RPA1: variants seen among roughly 807,000 people sequenced by gnomAD.
The protein encoded by RPA1 is replication protein A 70 kDa DNA-binding subunit.
A neutral mutation model predicts 83.0 loss-of-function variants in RPA1; 49 were observed. The observed-to-expected ratio is 0.59, with a 90% CI of 0.47 to 0.75. The LOEUF (loss-of-function observed/expected upper bound fraction) is 0.75. Among genes scored for constraint, RPA1 ranks in the 30% least tolerant of loss-of-function variants. RPA1 has a pLI of 0.00. For missense variants in RPA1, 693 were observed against 776.1 expected (o/e 0.89, Z 1.27); for synonymous variants, 279 against 281.8 (o/e 0.99, Z 0.10).
At chr17:1,852,171 A>T (rs1002157172) in intron 4 of RPA1, among the ~76,000 whole-genome samples, 2 of 152,190 alleles carry the variant, frequency 1.3e-5, no homozygotes, top group Non-Finnish European at 2.9e-5. Context: ...ATTGAGCAAC[A>T]ACTGTGGGCC....
At chr17:1,843,174 A>C (rs1383742917) in intron 2 of RPA1, among the ~76,000 whole-genome samples, 2 of 151,198 alleles carry the variant, frequency 1.3e-5, no homozygotes, top group Non-Finnish European at 2.9e-5. Flanking sequence ...TTGGCCTTTC[A>C]TATGACCTCC....
chr17:1,842,687 T>C (rs1912098563), intron 1 of RPA1, 116 bp from the exon 2 acceptor site: 3 of 837,610 alleles, frequency 3.6e-6, no homozygotes, highest in Non-Finnish European at 5.8e-6. Flanking sequence ...TGACAGGCTC[T>C]GAATAGGCTC....
chr17:1,878,952 G>A (rs1262731006), intron 8 of RPA1, 41 bp from the exon 9 acceptor site: 3 of 1,609,812 alleles, frequency 1.9e-6, no homozygotes, highest in Non-Finnish European at 2.6e-6. Context: ...GGTGGCCTGT[G>A]TTCAATCCCG....
intron 6 of RPA1, among the ~76,000 whole-genome samples, chr17:1,873,757 G>A (rs537059565): frequency 1.3e-5 from 2 of 151,984 alleles, no homozygotes; most frequent in African/African-American, 2.4e-5. Flanking sequence ...GGGAGGCCGA[G>A]GTGGACGGAT....
chr17:1,886,637 A>C (rs796660976), intron 13 of RPA1, among the ~76,000 whole-genome samples: 1 of 149,444 alleles, frequency 6.7e-6, no homozygotes, highest in Non-Finnish European at 1.5e-5. Context: ...CACTTTTGTT[A>C]TGGTGACGGC....
At position 1,831,514 on chromosome 17, in the gene RPA1, A is replaced by G. The variant is rs553611634; in HGVS notation, c.33+1388A>G. Among the ~76,000 whole-genome samples, 87 of 147,994 alleles carry G rather than the reference A, an allele frequency of 5.9e-4. 1 individual carries two copies. The highest frequency in any genetic ancestry group is 5.8e-3 in the South Asian group (27 of 4,640). On this transcript the variant is annotated intron_variant, in intron 1 of 16. Coordinates refer to ENST00000254719, the MANE Select transcript of RPA1 (RefSeq NM_002945.5). ...CCCATCCACAGCATACTCTCAGCCT[A>G]CCTCTCCAGTCACCCCCACATTTTT...
At chr17:1,885,210 T>G (rs1333241704) in intron 13 of RPA1, among the ~76,000 whole-genome samples, 2 of 152,222 alleles carry the variant, frequency 1.3e-5, no homozygotes, top group Non-Finnish European at 2.9e-5. Flanking sequence ...ACAAGAGATT[T>G]CATCTCAAGA....
chr17:1,874,009 AAAAATAT>A (rs1385248068), intron 6 of RPA1, among the ~76,000 whole-genome samples: 5 of 100,278 alleles, frequency 5.0e-5, no homozygotes, highest in African/African-American at 2.4e-4. Flanking sequence ...AAAAAAAAAA[AAAAATAT>A]ATATATATAT....
intron 15 of RPA1, among the ~76,000 whole-genome samples, chr17:1,892,562 C>T (rs766427140): frequency 3.4e-4 from 51 of 152,158 alleles, no homozygotes; most frequent in Non-Finnish European, 5.0e-4. Flanking sequence ...TGACTTAGGT[C>T]GGGAGGTGTC....
At chr17:1,880,356 CTA>C (rs1163912369) in intron 11 of RPA1, among the ~76,000 whole-genome samples, 185 bp from the exon 12 acceptor site, 2 of 152,292 alleles carry the variant, frequency 1.3e-5, no homozygotes, top group East Asian at 3.9e-4. Flanking sequence ...TCCCCTAACT[CTA>C]GGAAAGCAGT....
At chr17:1,847,199 A>G (rs1912294055) in intron 4 of RPA1, among the ~76,000 whole-genome samples, 1 of 152,190 alleles carries the variant, frequency 6.6e-6, no homozygotes, top group Non-Finnish European at 1.5e-5. Context: ...TAATGTGGAC[A>G]GTCCTGTCCA....
intron 3 of RPA1, 70 bp downstream of exon 3, chr17:1,844,068 T>C: frequency 7.1e-7 from 1 of 1,410,108 alleles, no homozygotes; most frequent in Non-Finnish European, 9.9e-7. Context: ...GTCCTTTGGT[T>C]GCCATAATTT....
At chr17:1,885,268 G>C (rs1191011884) in intron 13 of RPA1, among the ~76,000 whole-genome samples, 2 of 152,134 alleles carry the variant, frequency 1.3e-5, no homozygotes, top group Admixed American at 6.5e-5. Context: ...ATCCGTTCAA[G>C]TTTGATCGTG....
At chr17:1,869,920 TG>T (rs1913316786) in intron 5 of RPA1, among the ~76,000 whole-genome samples, 2 of 152,168 alleles carry the variant, frequency 1.3e-5, no homozygotes. Context: ...AGTTAAGGAT[TG>T]CTCTAGTAAG....
At chr17:1,896,430 T>G (rs1914427551) in intron 16 of RPA1, among the ~76,000 whole-genome samples, 1 of 151,662 alleles carries the variant, frequency 6.6e-6, no homozygotes. Flanking sequence ...CAGGGTTTAC[T>G]CACGTATTTA....
At chr17:1,835,267 A>G (rs780035320) in intron 1 of RPA1, among the ~76,000 whole-genome samples, 6 of 148,798 alleles carry the variant, frequency 4.0e-5, no homozygotes, top group Non-Finnish European at 5.9e-5. Flanking sequence ...TTCCACCTCA[A>G]CCTCTCCAGT....
intron 12 of RPA1, among the ~76,000 whole-genome samples, chr17:1,881,627 G>C (rs1307123170): frequency 6.6e-6 from 1 of 152,114 alleles, no homozygotes; most frequent in Non-Finnish European, 1.5e-5. Context: ...TTAGGCTCTG[G>C]AGTTCGACTC....
chr17:1,875,920 C>CT, intron 7 of RPA1, 127 bp downstream of exon 7: 14 of 660,032 alleles, frequency 2.1e-5, no homozygotes, highest in South Asian at 8.9e-5. Flanking sequence ...AATGGGTTTA[C>CT]TCTTTTTTTT....
At position 1,835,121 on chromosome 17, in the gene RPA1, G is replaced by A. The variant is rs1911763722; in HGVS notation, c.33+4995G>A. On this transcript the variant is annotated intron_variant, in intron 1 of 16. Transcript: ENST00000254719. ...CCGCCTCGGCTTCCCCAAGTCCTGGGATTACAGACTTGAGCCATTGCACCT... is the reference window on the plus strand; with the variant it reads ...CCGCCTCGGCTTCCCCAAGTCCTGGAATTACAGACTTGAGCCATTGCACCT... 1.3e-5 allele frequency among the ~76,000 whole-genome samples: 2 copies of A among 152,026 alleles called. 1 individual carries two copies. Among genetic ancestry groups the A allele is most frequent in the Admixed American group, 1.3e-4 (2 of 15,224 alleles).
Sources: allele counts gnomAD v4.1 joint callset (sites outside exome capture counted in the v4.1 genomes callset), GRCh38; gene constraint gnomAD v4.1.1; transcripts MANE v1.5; gene names NCBI Gene and HGNC (gene_info 2026-07-23, HGNC 2026-07-21).